The following DAB1 variants were observed in gnomAD, a reference collection of about 807,000 sequenced individuals.
The protein encoded by DAB1 is DAB adaptor protein 1, also known as disabled homolog 1.
Under a neutral mutation model 64.6 loss-of-function variants are expected in DAB1, and 15 were observed. That is an observed-to-expected ratio of 0.23 (90% confidence interval 0.16 to 0.36). The LOEUF is 0.36. Ranked by LOEUF, DAB1 falls within the 10% of genes least tolerant of loss-of-function variation. DAB1 has a pLI of 1.00. For synonymous variants in DAB1, 235 were observed against 251.9 expected (o/e 0.93, Z 0.64); for missense variants, 596 against 706.7 (o/e 0.84, Z 1.78).
chr1:57,651,646 GT>G (rs1160438500), intron 6 of DAB1, among the ~76,000 whole-genome samples: 1 of 150,626 alleles, frequency 6.6e-6, no homozygotes, highest in Non-Finnish European at 1.5e-5. Flanking sequence ...AACCTGACGG[GT>G]TTATTGTAGA....
intron 7 of DAB1, among the ~76,000 whole-genome samples, chr1:57,645,372 T>C (rs937854531): frequency 1.3e-5 from 2 of 152,082 alleles, no homozygotes; most frequent in South Asian, 4.2e-4. Flanking sequence ...GTGAGGTCAT[T>C]TTCCAGCCAG....
At chr1:57,107,763 A>T (rs1655302974) in intron 4 of DAB1, among the ~76,000 whole-genome samples, 2 of 152,144 alleles carry the variant, frequency 1.3e-5, no homozygotes, top group African/African-American at 4.8e-5. Context: ...TAAAGTATAT[A>T]GTCCTACTGC....
chr1:58,394,005 A>G (rs1362428820), intron 3 of DAB1, among the ~76,000 whole-genome samples: 1 of 152,190 alleles, frequency 6.6e-6, no homozygotes, highest in Admixed American at 6.5e-5. Context: ...ATTATTTGTC[A>G]ATTAAATATA....
At chr1:57,984,757 AC>A in intron 5 of DAB1, among the ~76,000 whole-genome samples, 2 of 152,104 alleles carry the variant, frequency 1.3e-5, no homozygotes, top group Non-Finnish European at 2.9e-5. Flanking sequence ...CTCCCTGAAT[AC>A]CCTCTCTCTC....
chr1:57,395,828 AGTATAGAGGCT>A (rs1472214583), intron 1 of DAB1, among the ~76,000 whole-genome samples: 14 of 148,692 alleles, frequency 9.4e-5, no homozygotes, highest in African/African-American at 3.5e-4. Context: ...AGCATTCTTA[AGTATAGAGGCT>A]ATCTGACTCA....
intron 4 of DAB1, among the ~76,000 whole-genome samples, chr1:57,088,710 C>G (rs1334718466): frequency 2.6e-5 from 4 of 152,304 alleles, no homozygotes; most frequent in Non-Finnish European, 5.9e-5. Context: ...TTGAAACAGC[C>G]CAGTCACCTC....
chr1:57,456,846 T>G (rs1178276955), intron 7 of DAB1, among the ~76,000 whole-genome samples: 1 of 152,086 alleles, frequency 6.6e-6, no homozygotes, highest in Non-Finnish European at 1.5e-5. Context: ...ACTTGAAAAC[T>G]GGGCAGACAA....
chr1:57,028,120 C>T (rs917180660), intron 9 of DAB1, among the ~76,000 whole-genome samples: 27 of 152,284 alleles, frequency 1.8e-4, no homozygotes, highest in African/African-American at 6.0e-4. Context: ...CAAATCTCAA[C>T]TTGCATTGTA....
intron 2 of DAB1, among the ~76,000 whole-genome samples, chr1:57,192,782 AT>A (rs1186851534): frequency 1.3e-5 from 2 of 152,106 alleles, no homozygotes; most frequent in Admixed American, 6.5e-5. Flanking sequence ...TATTATGTGT[AT>A]TTTTTTAATT....
intron 4 of DAB1, among the ~76,000 whole-genome samples, chr1:58,296,384 C>T (rs1309160906): frequency 6.6e-6 from 1 of 152,140 alleles, no homozygotes; most frequent in Non-Finnish European, 1.5e-5. Flanking sequence ...GTAATATGAT[C>T]CGCTGGCAAA....
chr1:58,337,060 C>T (rs1315476859), intron 4 of DAB1, among the ~76,000 whole-genome samples: 1 of 152,010 alleles, frequency 6.6e-6, no homozygotes, highest in Non-Finnish European at 1.5e-5. Context: ...AGGCAGCCAA[C>T]CACCTGAGGT....
intron 3 of DAB1, among the ~76,000 whole-genome samples, chr1:58,410,566 G>C (rs1235527713): frequency 6.6e-6 from 1 of 152,140 alleles, no homozygotes; most frequent in African/African-American, 2.4e-5. Context: ...CTGGAAATAG[G>C]CTGAGCAGGT....
intron 1 of DAB1, among the ~76,000 whole-genome samples, chr1:57,419,528 T>G (rs1035412833): frequency 6.0e-5 from 9 of 150,814 alleles, no homozygotes; most frequent in African/African-American, 2.2e-4. Context: ...CCTAAAATCC[T>G]AAAATGTATC....
chr1:58,433,115 C>A (rs973327924), intron 3 of DAB1, among the ~76,000 whole-genome samples: 1 of 152,234 alleles, frequency 6.6e-6, no homozygotes, highest in Non-Finnish European at 1.5e-5. Flanking sequence ...CACACCCCCC[C>A]TATTTCGTTC....
intron 3 of DAB1, among the ~76,000 whole-genome samples, chr1:58,491,000 G>C (rs1240588596): frequency 6.6e-6 from 1 of 151,154 alleles, no homozygotes; most frequent in Non-Finnish European, 1.5e-5. Flanking sequence ...GTAGAGACGG[G>C]GTTTCACCAT....
intron 1 of DAB1, among the ~76,000 whole-genome samples, chr1:57,392,863 T>C (rs962859857): frequency 2.0e-5 from 3 of 152,124 alleles, no homozygotes; most frequent in Non-Finnish European, 4.4e-5. Context: ...AAAGCACCAT[T>C]GGAGAGCATG....
At chr1:57,344,090 C>T (rs1677890557) in intron 1 of DAB1, among the ~76,000 whole-genome samples, 1 of 152,232 alleles carries the variant, frequency 6.6e-6, no homozygotes, top group South Asian at 2.1e-4. Flanking sequence ...CCCCATTTTA[C>T]AATAAGGCAA....
At chr1:58,452,136 G>A (rs822167) in intron 3 of DAB1, among the ~76,000 whole-genome samples, 3 of 151,676 alleles carry the variant, frequency 2.0e-5, no homozygotes, top group South Asian at 2.1e-4. Context: ...GTTTCGCCAC[G>A]TTGGTCAGGC....
intron 7 of DAB1, among the ~76,000 whole-genome samples, chr1:57,554,324 C>T (rs1436864486): frequency 1.3e-5 from 2 of 152,294 alleles, no homozygotes; most frequent in South Asian, 2.1e-4. Context: ...GTGTAAGCTG[C>T]GAAAGTCGCT....
Sources: allele counts gnomAD v4.1 joint callset (sites outside exome capture counted in the v4.1 genomes callset), GRCh38; gene constraint gnomAD v4.1.1; transcripts MANE v1.5; gene names NCBI Gene and HGNC (gene_info 2026-07-23, HGNC 2026-07-21).